Variants in FRRS1 observed in about 807,000 individuals in gnomAD.
FRRS1 encodes the protein ferric reductase 1.
In FRRS1, 51 loss-of-function variants were observed where a neutral mutation model predicts 70.7. That is an observed-to-expected ratio of 0.72 (90% CI 0.58 to 0.91). FRRS1 has a LOEUF of 0.91. Ranked by LOEUF, FRRS1 falls within the 40% of genes least tolerant of loss-of-function variation. The pLI, the probability that FRRS1 is intolerant of heterozygous loss-of-function variation, is 0.00. For missense variants in FRRS1, 672 were observed against 726.0 expected, an observed-to-expected ratio of 0.93 and a Z score of 0.86; for synonymous variants, 225 against 238.7, an observed-to-expected ratio of 0.94 and a Z score of 0.53.
chr1:99,760,252 C>A (rs544946951), intron 1 of FRRS1, among the ~76,000 whole-genome samples: 7 of 152,176 alleles, frequency 4.6e-5, no homozygotes, highest in African/African-American at 1.7e-4. Flanking sequence ...TTCTTCTGAA[C>A]ACTATTGGGC....
intron 12 of FRRS1, among the ~76,000 whole-genome samples, chr1:99,714,084 G>C (rs775263324): frequency 3.2e-4 from 49 of 152,070 alleles, no homozygotes; most frequent in Non-Finnish European, 6.6e-4. Flanking sequence ...CTGGGAGGCA[G>C]TCATGAAGGT....
At chr1:99,732,608 A>C (rs1655447840) in intron 7 of FRRS1, among the ~76,000 whole-genome samples, 1 of 152,176 alleles carries the variant, frequency 6.6e-6, no homozygotes, top group African/African-American at 2.4e-5. Context: ...AGATTTTCCA[A>C]GTTGAAGGAC....
chr1:99,722,905 A>T lies in FRRS1; in HGVS notation c.1007-3258T>A, dbSNP rs148826351. ...CCTGCCATTATTTGCACAGGATATG[A>T]CATTTATCTAGAAAAATCCAAGATA... On this transcript the variant is annotated intron_variant, in intron 9 of 16. Transcript: ENST00000646001. Among the ~76,000 whole-genome samples, 20 of 152,342 alleles carry T rather than the reference A, an allele frequency of 1.3e-4. No homozygotes were observed. In the East Asian group the frequency reaches 3.9e-3, roughly 29 times the overall value.
chr1:99,745,697 G>T (rs1287787854), intron 4 of FRRS1, among the ~76,000 whole-genome samples: 1 of 80,248 alleles, frequency 1.2e-5, no homozygotes, highest in East Asian at 3.2e-4. Context: ...ATAAATAAGT[G>T]TTCTATTGAT....
In FRRS1 at chr1:99,705,476, T is replaced by A. The variant is rs1404414966; in HGVS notation, c.*3552A>T. On this transcript the variant is annotated 3_prime_UTR_variant, in exon 17 of 17. Transcript: ENST00000646001. ...CTTAAACAAGGACCTTTGTTCTTTT[T>A]TTCCCTGCCTCATGAGAATATACAG... is the stretch of plus-strand genomic sequence containing the variant. 1.3e-5 allele frequency among the ~76,000 whole-genome samples: 2 copies of A among 152,214 alleles called. No individual in the cohort carries two copies. Among genetic ancestry groups the A allele is most frequent in the Non-Finnish European group, 2.9e-5 (2 of 68,030 alleles).
intron 1 of FRRS1, among the ~76,000 whole-genome samples, chr1:99,762,410 G>T (rs190030489): frequency 6.6e-6 from 1 of 151,028 alleles, no homozygotes; most frequent in Admixed American, 6.6e-5. Flanking sequence ...CCTCTTTTAC[G>T]TCTCTTTCAT....
chr1:99,724,809 G>A (rs1655000991), intron 9 of FRRS1, among the ~76,000 whole-genome samples: 1 of 151,164 alleles, frequency 6.6e-6, no homozygotes, highest in South Asian at 2.1e-4. Flanking sequence ...AAAAAAATTA[G>A]CTTGTGCTGC....
At chr1:99,733,403 C>A (rs578232516) in intron 7 of FRRS1, among the ~76,000 whole-genome samples, 2 of 152,320 alleles carry the variant, frequency 1.3e-5, no homozygotes, top group South Asian at 2.1e-4. Context: ...ATCTTGATTT[C>A]TAGATCTATT....
At chr1:99,736,953 G>A (rs1655704470) in intron 7 of FRRS1, among the ~76,000 whole-genome samples, 2 of 151,988 alleles carry the variant, frequency 1.3e-5, no homozygotes, top group Non-Finnish European at 2.9e-5. Context: ...TTACAGCCAT[G>A]TCAGAGTTCC....
At position 99,747,419 on chromosome 1, in the gene FRRS1, C is replaced by G. The variant is rs1191767390; in HGVS notation, c.208G>C (p.Gly70Arg). 1 of 1,609,362 alleles carries G rather than the reference C, an allele frequency of 6.2e-7. No homozygotes were observed. The highest frequency in any genetic ancestry group is 2.2e-5 in the East Asian group (1 of 44,818). The change falls in exon 4 of 17, where the codon GGG (glycine) becomes CGG (arginine). Residue 70 changes from glycine (G) to arginine (R), a missense_variant. Physicochemically the swap from Gly to Arg is moderately radical, Grantham distance 125. Coordinates refer to ENST00000646001, the MANE Select transcript of FRRS1 (RefSeq NM_001361041.2). ...AGGAGAAAGCCTTTAAATGGATGCCCTGACAAAGTAACTGAGAAAAAGACA... is the reference window on the plus strand; with the variant it reads ...AGGAGAAAGCCTTTAAATGGATGCCGTGACAAAGTAACTGAGAAAAAGACA... ...PGDQIEVTLS[G>R]HPFKGFLLEA...
chr1:99,724,847 C>T (rs958931542), intron 9 of FRRS1, among the ~76,000 whole-genome samples: 2 of 150,684 alleles, frequency 1.3e-5, no homozygotes, highest in Non-Finnish European at 3.0e-5. Context: ...TGTTAATAAA[C>T]AGATTCATGT....
chr1:99,710,917 C>G lies in FRRS1; in HGVS notation c.1513G>C (p.Gly505Arg). The change falls in exon 15 of 17, where the codon GGA becomes CGA. Residue 505 changes from glycine (G) to arginine (R), a missense_variant. Transcript: ENST00000646001. ...TTCCATGAATCAGGAAGATTCAGTC[C>G]TGGTAAATCCATTCCCAGGAACATC... ...AAMFLGMDLPGLNLPDSWKTY... is the reference protein window; with the variant it reads ...AAMFLGMDLPRLNLPDSWKTY... 1 of 1,613,820 alleles carries G rather than the reference C, an allele frequency of 6.2e-7. No homozygotes were observed. The highest frequency in any genetic ancestry group is 8.5e-7 in the Non-Finnish European group (1 of 1,179,840).
chr1:99,749,973 T>G (rs1020101398), intron 1 of FRRS1, among the ~76,000 whole-genome samples: 1 of 152,188 alleles, frequency 6.6e-6, no homozygotes, highest in African/African-American at 2.4e-5. Context: ...GTTTTCTATA[T>G]CATATATCTG....
At chr1:99,715,831 A>G (rs992597013) in intron 11 of FRRS1, among the ~76,000 whole-genome samples, 159 bp from the exon 12 acceptor site, 25 of 152,334 alleles carry the variant, frequency 1.6e-4, no homozygotes, top group African/African-American at 6.0e-4. Context: ...TAAGAAAAAA[A>G]AAAAAAACTT....
rs1393769854 is a variant in FRRS1, at chr1:99,748,773, A to G, written c.1-5T>C. ...AGTAAATCCAGAAACTGCCATCTCA[A>G]AAAGAAGGGTAAAAGCCCATTATTG... is the stretch of plus-strand genomic sequence containing the variant. On this transcript the variant is annotated splice_region_variant and splice_polypyrimidine_tract_variant and intron_variant, in intron 2 of 16. Coordinates refer to ENST00000646001, the MANE Select transcript of FRRS1 (RefSeq NM_001361041.2). 2.5e-6 allele frequency: 4 copies of G among 1,611,232 alleles called. No individual in the cohort carries two copies. The highest frequency in any genetic ancestry group is 2.5e-6 in the Non-Finnish European group (3 of 1,177,904).
intron 3 of FRRS1, 187 bp downstream of exon 3, chr1:99,748,386 T>A (rs1656394869): frequency 2.0e-6 from 1 of 507,000 alleles, no homozygotes; most frequent in Admixed American, 3.9e-5. Flanking sequence ...TAAAGCCTGT[T>A]CTGGATGGGG....
chr1:99,722,232 C>T (rs1259118131), intron 9 of FRRS1, among the ~76,000 whole-genome samples: 1 of 152,074 alleles, frequency 6.6e-6, no homozygotes, highest in East Asian at 1.9e-4. Flanking sequence ...TGGTCTCAAA[C>T]TCCTGGGCTC....
rs1653982535 is a variant in FRRS1, at chr1:99,704,608, ACCACG to A, written c.*4415_*4419del. On this transcript the variant is annotated 3_prime_UTR_variant, in exon 17 of 17. Transcript: ENST00000646001. ...GCATTTCCTAAGACCACCCTGGCTCACCACGCCCCCATCCTGTGCCTATAAAAACC... is the reference window on the plus strand; with the variant it reads ...GCATTTCCTAAGACCACCCTGGCTCACCCCCATCCTGTGCCTATAAAAACC... 6.6e-6 allele frequency among the ~76,000 whole-genome samples: 1 copy of A among 152,104 alleles called. No homozygotes were observed. Among genetic ancestry groups the A allele is most frequent in the African/African-American group, 2.4e-5 (1 of 41,410 alleles).
chr1:99,760,158 G>A (rs1657043829), intron 1 of FRRS1, among the ~76,000 whole-genome samples: 1 of 152,194 alleles, frequency 6.6e-6, no homozygotes, highest in African/African-American at 2.4e-5. Context: ...ATAGATGCCT[G>A]AAAACAGCAA....
Sources: gnomAD v4.1 joint callset for allele counts (sites outside exome capture counted in the v4.1 genomes callset) on GRCh38, gnomAD v4.1.1 for gene constraint, MANE v1.5 for transcripts, NCBI Gene and HGNC (gene_info 2026-07-23, HGNC 2026-07-21) for gene names.